KIF5C: variants seen among roughly 807,000 people sequenced by gnomAD.
The protein encoded by KIF5C is kinesin heavy chain isoform 5C.
KIF5C carries 18 observed loss-of-function variants against 125.2 expected under a neutral mutation model. The observed-to-expected ratio is 0.14, with a 90% CI of 0.10 to 0.21. The LOEUF (loss-of-function observed/expected upper bound fraction) is 0.21. Among genes scored for constraint, KIF5C ranks in the 10% least tolerant of loss-of-function variants. The pLI is 1.00. For synonymous variants in KIF5C, 405 were observed against 434.0 expected (o/e 0.93, Z 0.83); for missense variants, 780 against 1,183.8 (o/e 0.66, Z 5.01).
At chr2:148,894,227 C>T (rs1378019700) in intron 1 of KIF5C, among the ~76,000 whole-genome samples, 2 of 152,120 alleles carry the variant, frequency 1.3e-5, no homozygotes, top group Non-Finnish European at 2.9e-5. Flanking sequence ...ATCTAGTTAT[C>T]CAGTTGGCAG....
At chr2:148,960,322 T>G (rs1181359089) in intron 10 of KIF5C, among the ~76,000 whole-genome samples, 1 of 152,224 alleles carries the variant, frequency 6.6e-6, no homozygotes, top group Non-Finnish European at 1.5e-5. Context: ...AGCCTTGAAG[T>G]GTGCCCTTAA....
At position 148,942,827 on chromosome 2, in the gene KIF5C, G is replaced by A. The variant is rs139017458; in HGVS notation, c.589+67G>A. ...ACAGATATCTGCCCACCAACCGAGGGGGGTGGGGAATTAGGTACAAATGAA... is the reference window on the plus strand; with the variant it reads ...ACAGATATCTGCCCACCAACCGAGGAGGGTGGGGAATTAGGTACAAATGAA... On this transcript the variant is annotated intron_variant, in intron 7 of 25. Coordinates refer to ENST00000435030, the MANE Select transcript of KIF5C (RefSeq NM_004522.3). 8.3e-5 allele frequency: 130 copies of A among 1,561,100 alleles called. No homozygotes were observed. The South Asian group carries it at 1.3e-3, about 16-fold the overall frequency.
At chr2:149,008,106 C>A (rs777610716) in intron 23 of KIF5C, 39 bp downstream of exon 23, 2 of 1,574,876 alleles carry the variant, frequency 1.3e-6, no homozygotes, top group Non-Finnish European at 8.7e-7. Context: ...ATTCCCTCCT[C>A]TCTCCTGGAA....
chr2:148,961,321 A>C (rs1354785671), intron 10 of KIF5C, among the ~76,000 whole-genome samples: 1 of 152,160 alleles, frequency 6.6e-6, no homozygotes, highest in Non-Finnish European at 1.5e-5. Flanking sequence ...TGTGCTCAGC[A>C]GGGAGCCATG....
intron 1 of KIF5C, among the ~76,000 whole-genome samples, chr2:148,880,915 C>T (rs1574683753): frequency 6.9e-6 from 1 of 145,448 alleles, no homozygotes; most frequent in Non-Finnish European, 1.5e-5. Flanking sequence ...AAGGGTGAGA[C>T]AAAACCGAGT....
In KIF5C at chr2:148,876,280, G is replaced by A. The variant is rs1049970058; in HGVS notation, c.126+537G>A. On this transcript the variant is annotated intron_variant, in intron 1 of 25. Transcript: ENST00000435030. The surrounding 1 kb of genome is among the most constrained non-coding windows in gnomAD (Gnocchi z 4.7). ...CGCGGCAGTGTAGACGCGGCTCCCC[G>A]CGGTGTTACACCTGGCTCCGCGCGC... 1.1e-4 allele frequency among the ~76,000 whole-genome samples: 16 copies of A among 152,206 alleles called. No individual in the cohort carries two copies. Among genetic ancestry groups the A allele is most frequent in the Non-Finnish European group, 2.4e-4 (16 of 68,030 alleles).
intron 3 of KIF5C, among the ~76,000 whole-genome samples, chr2:148,936,154 G>A (rs1180172974): frequency 1.3e-5 from 2 of 152,188 alleles, no homozygotes; most frequent in Non-Finnish European, 2.9e-5. Flanking sequence ...GCCAGCTGCG[G>A]TGGTGCACAC....
intron 14 of KIF5C, 69 bp downstream of exon 14, chr2:148,981,630 T>C: frequency 1.3e-6 from 2 of 1,491,374 alleles, no homozygotes; most frequent in South Asian, 1.4e-5. Flanking sequence ...TTGATATTCA[T>C]TGACAGACAT....
At chr2:148,978,836 C>A in intron 12 of KIF5C, 86 bp from the exon 13 acceptor site, 1 of 1,460,268 alleles carries the variant, frequency 6.8e-7, no homozygotes, top group Non-Finnish European at 9.1e-7. Flanking sequence ...TATCAGCAAG[C>A]TTATGGTAGC....
chr2:148,995,972 T>C (rs1012714325), intron 17 of KIF5C, among the ~76,000 whole-genome samples: 8 of 152,122 alleles, frequency 5.3e-5, no homozygotes, highest in Non-Finnish European at 1.0e-4. Flanking sequence ...CTGGCCAACA[T>C]GGTGAAACCC....
At chr2:148,930,277 C>T (rs1476847015) in intron 3 of KIF5C, among the ~76,000 whole-genome samples, 1 of 152,038 alleles carries the variant, frequency 6.6e-6, no homozygotes, top group African/African-American at 2.4e-5. Context: ...GTCTGTTTTC[C>T]AAACAAGGCA....
At chr2:148,930,912 C>G (rs1188065869) in intron 3 of KIF5C, among the ~76,000 whole-genome samples, 1 of 152,122 alleles carries the variant, frequency 6.6e-6, no homozygotes, top group Non-Finnish European at 1.5e-5. Flanking sequence ...CGCTCCTGTC[C>G]CGGCCCCTCG....
chr2:148,995,737 G>A (rs546842753), intron 17 of KIF5C, among the ~76,000 whole-genome samples: 3 of 152,310 alleles, frequency 2.0e-5, no homozygotes, highest in Admixed American at 6.5e-5. Context: ...ACACTATGGC[G>A]TGTTATTTAA....
chr2:149,023,376 T>C lies in KIF5C; in HGVS notation c.*306T>C, dbSNP rs1445944264. The stretch of plus-strand genomic sequence containing the variant: ...TCTGGGTGGTTCCTGGAGCCTCCTC[T>C]GGGCAGTGCACTGTCCCATCTGTAC... On this transcript the variant is annotated 3_prime_UTR_variant, in exon 26 of 26. Coordinates refer to ENST00000435030, the MANE Select transcript of KIF5C (RefSeq NM_004522.3). 2 of 152,670 alleles carry C rather than the reference T, an allele frequency of 1.3e-5. No individual in the cohort carries two copies. Among genetic ancestry groups the C allele is most frequent in the African/African-American group, 4.8e-5 (2 of 41,444 alleles). 9.5% of individuals were successfully genotyped at this position (152,670 alleles called of 1,614,324 possible). A position where few individuals can be genotyped will look rare whatever the true frequency, so the allele number is the denominator to read the frequency against.
At chr2:148,892,020 A>G (rs1212814658) in intron 1 of KIF5C, among the ~76,000 whole-genome samples, 2 of 152,152 alleles carry the variant, frequency 1.3e-5, no homozygotes, top group Admixed American at 1.3e-4. Flanking sequence ...GTATGACCCT[A>G]TGAGGTAACT....
intron 10 of KIF5C, among the ~76,000 whole-genome samples, chr2:148,958,199 T>G (rs1019188256): frequency 3.3e-5 from 5 of 152,172 alleles, no homozygotes; most frequent in African/African-American, 1.2e-4. Flanking sequence ...ATGTCCTCAT[T>G]TCTGTTAGGT....
intron 4 of KIF5C, among the ~76,000 whole-genome samples, chr2:148,940,010 T>G (rs1252747664): frequency 6.6e-6 from 1 of 152,220 alleles, no homozygotes; most frequent in Non-Finnish European, 1.5e-5. Flanking sequence ...AATTGCCAGA[T>G]TTGCCAGTAT....
intron 11 of KIF5C, 23 bp from the exon 12 acceptor site, chr2:148,973,298 TTCTTTAATCCCCAAC>T: frequency 6.3e-7 from 1 of 1,580,594 alleles, no homozygotes; most frequent in Non-Finnish European, 8.6e-7. Flanking sequence ...CATACTCAAT[TTCTTTAATCCCCAAC>T]TCTGCTCGGC....
chr2:148,906,638 G>A (rs1310354207), intron 1 of KIF5C, among the ~76,000 whole-genome samples: 2 of 152,156 alleles, frequency 1.3e-5, no homozygotes, highest in African/African-American at 4.8e-5. Flanking sequence ...GCTGAGGTGG[G>A]AGGATCGCTT....
Sources: allele counts gnomAD v4.1 joint callset (sites outside exome capture counted in the v4.1 genomes callset), GRCh38; gene constraint gnomAD v4.1.1; non-coding constraint Gnocchi (gnomAD v3.1); transcripts MANE v1.5; gene names NCBI Gene and HGNC (gene_info 2026-07-23, HGNC 2026-07-21).